The following CDKAL1 variants were observed in gnomAD, a reference collection of about 807,000 sequenced individuals.
CDKAL1 encodes the protein threonylcarbamoyladenosine tRNA methylthiotransferase.
Under a neutral mutation model 68.2 loss-of-function variants are expected in CDKAL1, and 32 were observed. That is an observed-to-expected ratio of 0.47 (90% CI 0.35 to 0.63). CDKAL1 has a LOEUF of 0.63. CDKAL1 is among the 30% of genes least tolerant of loss of function. CDKAL1 has a pLI of 0.00. For synonymous variants in CDKAL1, 234 were observed against 244.3 expected, an observed-to-expected ratio of 0.96 and a Z score of 0.39; for missense variants, 606 against 696.7, an observed-to-expected ratio of 0.87 and a Z score of 1.47.
chr6:20,849,526 T>C (rs1474488616), intron 9 of CDKAL1, among the ~76,000 whole-genome samples: 1 of 141,130 alleles, frequency 7.1e-6, no homozygotes, highest in African/African-American at 2.7e-5. Flanking sequence ...GAGCTTGCAG[T>C]GAGCTGAGAT....
chr6:21,154,831 T>C (rs960063201), intron 13 of CDKAL1, among the ~76,000 whole-genome samples: 2 of 151,652 alleles, frequency 1.3e-5, no homozygotes, highest in Non-Finnish European at 1.5e-5. Context: ...CTACTAAAAA[T>C]ACCAAAAAAA....
chr6:20,853,670 A>AT (rs1257357280), intron 9 of CDKAL1, among the ~76,000 whole-genome samples: 1 of 152,244 alleles, frequency 6.6e-6, no homozygotes, highest in East Asian at 1.9e-4. Context: ...TGTCTGCGTC[A>AT]TAACCCTAAC....
At chr6:20,959,273 T>C (rs771688626) in intron 10 of CDKAL1, among the ~76,000 whole-genome samples, 2 of 152,222 alleles carry the variant, frequency 1.3e-5, no homozygotes, top group African/African-American at 2.4e-5. Context: ...AATTATGATA[T>C]AGCTGACAAA....
intron 12 of CDKAL1, among the ~76,000 whole-genome samples, chr6:21,074,273 G>A (rs989502080): frequency 1.1e-4 from 16 of 152,100 alleles, no homozygotes; most frequent in African/African-American, 3.9e-4. Context: ...CATAGCTCTA[G>A]TCTCTGACTT....
chr6:21,101,897 T>C (rs73381520), intron 12 of CDKAL1, among the ~76,000 whole-genome samples: 2,097 of 152,234 alleles, frequency 0.014, 42 homozygotes, highest in African/African-American at 0.045. Context: ...TCCCAGCTGT[T>C]AATCAGATCT....
At chr6:21,080,385 G>A (rs894849289) in intron 12 of CDKAL1, among the ~76,000 whole-genome samples, 1 of 152,212 alleles carries the variant, frequency 6.6e-6, no homozygotes, top group Admixed American at 6.5e-5. Context: ...CTCTCCAGCA[G>A]TGTAAACAGT....
chr6:20,677,546 G>C (rs1028428650), intron 5 of CDKAL1, among the ~76,000 whole-genome samples: 1 of 152,032 alleles, frequency 6.6e-6, no homozygotes, highest in African/African-American at 2.4e-5. Flanking sequence ...AGCCTCCCTA[G>C]TAGCTGGGAT....
At chr6:20,910,700 A>C (rs1762431088) in intron 9 of CDKAL1, among the ~76,000 whole-genome samples, 1 of 152,196 alleles carries the variant, frequency 6.6e-6, no homozygotes, top group Non-Finnish European at 1.5e-5. Context: ...AACCCTGAAT[A>C]CCTCGGAGCA....
intron 9 of CDKAL1, among the ~76,000 whole-genome samples, chr6:20,848,598 G>T (rs896797134): frequency 6.6e-6 from 1 of 152,136 alleles, no homozygotes; most frequent in African/African-American, 2.4e-5. Context: ...GAACGTATTA[G>T]AAGATTACTC....
intron 4 of CDKAL1, among the ~76,000 whole-genome samples, chr6:20,570,248 C>T (rs1234280381): frequency 1.3e-5 from 2 of 151,612 alleles, no homozygotes; most frequent in Non-Finnish European, 2.9e-5. Flanking sequence ...GGACTACAGG[C>T]GTATGACACC....
At chr6:20,670,642 T>C (rs1035336438) in intron 5 of CDKAL1, among the ~76,000 whole-genome samples, 4 of 152,206 alleles carry the variant, frequency 2.6e-5, no homozygotes, top group Non-Finnish European at 4.4e-5. Context: ...TGGTCTCTTA[T>C]TCCCCATTTA....
At chr6:21,195,582 C>A (rs1778439241) in intron 13 of CDKAL1, among the ~76,000 whole-genome samples, 1 of 151,758 alleles carries the variant, frequency 6.6e-6, no homozygotes, top group Non-Finnish European at 1.5e-5. Context: ...ATGATCACAA[C>A]TCACTGCACC....
intron 6 of CDKAL1, among the ~76,000 whole-genome samples, chr6:20,748,366 C>G (rs1773750117): frequency 6.6e-6 from 1 of 151,158 alleles, no homozygotes; most frequent in Non-Finnish European, 1.5e-5. Context: ...AAAAATTAGC[C>G]TGGCATGATG....
chr6:20,534,546 T>C lies in CDKAL1; in HGVS notation c.-78T>C, dbSNP rs538764883. On this transcript the variant is annotated 5_prime_UTR_variant, in exon 1 of 16. Coordinates refer to ENST00000274695, the MANE Select transcript of CDKAL1 (RefSeq NM_017774.3). The stretch of plus-strand genomic sequence containing the variant: ...GAGTGGCGGGTTGATTTTCTCACTT[T>C]GGACTGGTTTTTACTTCCCGACTTC... 6.5e-6 allele frequency: 1 copy of C among 152,950 alleles called. No individual in the cohort carries two copies. Among genetic ancestry groups the C allele is most frequent in the African/African-American group, 2.4e-5 (1 of 41,564 alleles). 9.5% of individuals were successfully genotyped at this position (152,950 alleles called of 1,614,324 possible). A position where few individuals can be genotyped will look rare whatever the true frequency, so the allele number is the denominator to read the frequency against.
intron 9 of CDKAL1, among the ~76,000 whole-genome samples, chr6:20,922,921 A>G (rs1763021940): frequency 6.6e-6 from 1 of 152,244 alleles, no homozygotes; most frequent in Admixed American, 6.5e-5. Context: ...TGTTTAAGGC[A>G]TAGGTCATAA....
At chr6:20,764,490 C>T (rs959821202) in intron 7 of CDKAL1, among the ~76,000 whole-genome samples, 4 of 152,152 alleles carry the variant, frequency 2.6e-5, no homozygotes, top group African/African-American at 7.2e-5. Context: ...TCCCAGAGTA[C>T]GTCACCAAGC....
chr6:21,005,806 T>C (rs1409906628), intron 11 of CDKAL1, among the ~76,000 whole-genome samples: 1 of 152,222 alleles, frequency 6.6e-6, no homozygotes, highest in East Asian at 1.9e-4. Flanking sequence ...AAGTTCACTA[T>C]ACCCAGAGAT....
intron 9 of CDKAL1, among the ~76,000 whole-genome samples, chr6:20,917,723 T>G (rs1762781351): frequency 6.6e-6 from 1 of 152,220 alleles, no homozygotes; most frequent in South Asian, 2.1e-4. Flanking sequence ...ATAGGTTAGC[T>G]TCCACATATG....
In CDKAL1 at chr6:21,000,342, T is replaced by A. The variant is rs1767363585; in HGVS notation, c.1025T>A (p.Phe342Tyr). ...AAAAGAGAATACTGTGTGGCTGACT[T>A]CAAAAGAGTAGTGGATTTTCTGAAA... Reference protein sequence around the residue: ...EMKREYCVADFKRVVDFLKEK... With the variant: ...EMKREYCVADYKRVVDFLKEK... The change falls in exon 11 of 16, where the codon TTC becomes TAC. Residue 342 changes from phenylalanine (F) to tyrosine (Y), a missense_variant. Coordinates refer to ENST00000274695, the MANE Select transcript of CDKAL1 (RefSeq NM_017774.3). 1 of 1,613,592 alleles carries A rather than the reference T, an allele frequency of 6.2e-7. No homozygotes were observed. The highest frequency in any genetic ancestry group is 1.3e-5 in the African/African-American group (1 of 74,918).
Sources: gnomAD v4.1 joint callset for allele counts (sites outside exome capture counted in the v4.1 genomes callset) on GRCh38, gnomAD v4.1.1 for gene constraint, MANE v1.5 for transcripts, NCBI Gene and HGNC (gene_info 2026-07-23, HGNC 2026-07-21) for gene names.